Variants in NOX4 observed in about 807,000 individuals in gnomAD.
NOX4 encodes the protein NADPH oxidase 4, also known as kidney oxidase-1.
In NOX4, 69 loss-of-function variants were observed where a neutral mutation model predicts 87.6. The observed-to-expected ratio is 0.79, with a 90% CI of 0.65 to 0.96. The LOEUF (loss-of-function observed/expected upper bound fraction) is 0.96. Ranked by LOEUF, NOX4 falls within the 40% of genes least tolerant of loss-of-function variation. The probability of loss-of-function intolerance (pLI) is 0.00; values close to 1 mark genes in which losing one functional copy is unlikely to be tolerated. For synonymous variants in NOX4, 275 were observed against 238.2 expected (o/e 1.15, Z -1.42); for missense variants, 680 against 681.5 (o/e 1.00, Z 0.02).
intron 12 of NOX4, among the ~76,000 whole-genome samples, chr11:89,370,379 G>T (rs1939352933): frequency 6.6e-6 from 1 of 151,674 alleles, no homozygotes; most frequent in South Asian, 2.1e-4. Context: ...TGGATGTTAT[G>T]TATTTAATTC....
chr11:89,436,994 T>G (rs992532047), intron 6 of NOX4, among the ~76,000 whole-genome samples: 5 of 151,966 alleles, frequency 3.3e-5, no homozygotes, highest in African/African-American at 4.8e-5. Flanking sequence ...TGAAAAAAAT[T>G]CCAACACACA....
intron 2 of NOX4, among the ~76,000 whole-genome samples, chr11:89,483,672 T>C (rs569173492): frequency 3.7e-4 from 56 of 152,170 alleles, no homozygotes; most frequent in African/African-American, 1.3e-3. Flanking sequence ...GAAGAATAAG[T>C]TCAAGAGATC....
chr11:89,490,931 A>T (rs1238503533), intron 1 of NOX4: 2 of 699,732 alleles, frequency 2.9e-6, no homozygotes, highest in Admixed American at 4.1e-5. Flanking sequence ...AGCTGTATTC[A>T]CGGAAAATGA....
chr11:89,432,804 T>A lies in NOX4; in HGVS notation c.528A>T (p.Thr176=). 1 of 1,610,688 alleles carries A rather than the reference T, an allele frequency of 6.2e-7. No individual in the cohort carries two copies. Among genetic ancestry groups the A allele is most frequent in the Non-Finnish European group, 8.5e-7 (1 of 1,177,502 alleles). Residue 176 remains threonine (T), a synonymous_variant, in exon 7 of 18, where the codon ACA becomes ACT. Coordinates refer to ENST00000263317, the MANE Select transcript of NOX4 (RefSeq NM_016931.5). ...CTTACCTTATTGCATATGTAGAGGC[T>A]GTGATCATGAGGAATAGCACCACCA... ...CMVVVLFLMI[T]ASTYAIRVSN...
the NOX4 span, among the ~76,000 whole-genome samples, chr11:89,507,145 G>T: frequency 6.6e-6 from 1 of 151,822 alleles, no homozygotes; most frequent in Admixed American, 6.6e-5. Flanking sequence ...TGTGGCTGGG[G>T]TGGGCTGGGA....
the NOX4 span, among the ~76,000 whole-genome samples, chr11:89,512,505 G>T: frequency 6.6e-6 from 1 of 151,986 alleles, no homozygotes; most frequent in African/African-American, 2.4e-5. Context: ...GGTAACTCAT[G>T]TAAGTAGAAT....
chr11:89,517,484 T>A, the NOX4 span, among the ~76,000 whole-genome samples: 43 of 152,112 alleles, frequency 2.8e-4, no homozygotes, highest in African/African-American at 1.0e-3. Flanking sequence ...TATTCATTTT[T>A]AGAGACAGGG....
At chr11:89,573,546 ACCT>A in the NOX4 span, among the ~76,000 whole-genome samples, 12 of 152,210 alleles carry the variant, frequency 7.9e-5, no homozygotes, top group African/African-American at 2.9e-4. Context: ...GCACTCTTAG[ACCT>A]GTTACTGGTG....
intron 12 of NOX4, among the ~76,000 whole-genome samples, chr11:89,371,970 T>C (rs1288992715): frequency 6.6e-6 from 1 of 151,914 alleles, no homozygotes; most frequent in East Asian, 1.9e-4. Context: ...TCTAAAGACA[T>C]TACATTTTAT....
At chr11:89,340,474 G>A (rs1945936540) in intron 14 of NOX4, among the ~76,000 whole-genome samples, 1 of 152,112 alleles carries the variant, frequency 6.6e-6, no homozygotes, top group African/African-American at 2.4e-5. Flanking sequence ...TCCATTTCCA[G>A]TTGAAGGCCA....
the NOX4 span, among the ~76,000 whole-genome samples, chr11:89,537,053 T>C: frequency 6.6e-6 from 1 of 152,184 alleles, no homozygotes; most frequent in Non-Finnish European, 1.5e-5. Flanking sequence ...TAAGCTGCAC[T>C]GGTGTGAAAT....
rs183805161 is a variant in NOX4, at chr11:89,340,976, A to T, written c.1338-805T>A. Among the ~76,000 whole-genome samples the T allele has an allele frequency of 2.3e-3, 343 of 152,256 alleles. 5 individuals carry two copies. Among genetic ancestry groups the T allele is most frequent in the Admixed American group, 4.6e-3 (70 of 15,280 alleles). On this transcript the variant is annotated intron_variant, in intron 14 of 17. Coordinates refer to ENST00000263317, the MANE Select transcript of NOX4 (RefSeq NM_016931.5). Reference sequence around the variant, plus strand: ...TTATTGCTTTTTTGGTTCTGCAAAAAAAATAGTAAATGGAATAGATTTGAG... The same window carrying T: ...TTATTGCTTTTTTGGTTCTGCAAAATAAATAGTAAATGGAATAGATTTGAG...
At chr11:89,432,380 CA>C (rs1362907031) in intron 7 of NOX4, among the ~76,000 whole-genome samples, 1 of 151,580 alleles carries the variant, frequency 6.6e-6, no homozygotes, top group Non-Finnish European at 1.5e-5. Context: ...AAAATAAAAT[CA>C]CAATGTTAAA....
chr11:89,500,420 C>T (rs148156150), upstream of NOX4, among the ~76,000 whole-genome samples: 572 of 152,230 alleles, frequency 3.8e-3, 3 homozygotes, highest in African/African-American at 0.013. Context: ...TGGAATTTCA[C>T]TGGAGGAGCA....
chr11:89,326,032 A>G lies in NOX4; in HGVS notation c.*724T>C, dbSNP rs1945210754. The G allele has an allele frequency of 6.6e-6, 1 of 150,904 alleles. No individual in the cohort carries two copies. The highest frequency in any genetic ancestry group is 1.5e-5 in the Non-Finnish European group (1 of 67,776). 9.3% of individuals were successfully genotyped at this position (150,904 alleles called of 1,614,324 possible). ...GCAATAGTGATAGATTTAAATGAAG[A>G]TGAAAGGGACCTATTAAATCATTAT... On this transcript the variant is annotated 3_prime_UTR_variant, in exon 18 of 18. Coordinates refer to ENST00000263317, the MANE Select transcript of NOX4 (RefSeq NM_016931.5).
chr11:89,558,648 A>G, the NOX4 span, among the ~76,000 whole-genome samples: 4 of 152,240 alleles, frequency 2.6e-5, no homozygotes, highest in East Asian at 7.7e-4. Context: ...TTTCATTTCT[A>G]CATTGAGCCC....
At chr11:89,564,371 G>A in the NOX4 span, among the ~76,000 whole-genome samples, 79 of 152,278 alleles carry the variant, frequency 5.2e-4, 2 homozygotes, top group African/African-American at 1.7e-3. Context: ...GAGCAAAGGG[G>A]AAGGTGCTAT....
intron 11 of NOX4, among the ~76,000 whole-genome samples, chr11:89,394,218 G>C (rs1941319404): frequency 6.6e-6 from 1 of 152,092 alleles, no homozygotes; most frequent in Non-Finnish European, 1.5e-5. Flanking sequence ...TTGATACACT[G>C]TTTTAAGAAA....
intron 13 of NOX4, among the ~76,000 whole-genome samples, chr11:89,346,299 ATTAAT>A (rs1476656166): frequency 6.6e-6 from 1 of 152,166 alleles, no homozygotes; most frequent in Non-Finnish European, 1.5e-5. Context: ...TTACAAATTA[ATTAAT>A]TTAAAGTCTG....
Sources: allele counts gnomAD v4.1 joint callset (sites outside exome capture counted in the v4.1 genomes callset), GRCh38; gene constraint gnomAD v4.1.1; transcripts MANE v1.5; gene names NCBI Gene and HGNC (gene_info 2026-07-23, HGNC 2026-07-21).